Variants in NEBL observed in about 807,000 individuals in gnomAD.
NEBL encodes LIM and SH3 protein 2.
Under a neutral mutation model 140.2 loss-of-function variants are expected in NEBL, and 122 were observed. That is an observed-to-expected ratio of 0.87 (90% CI 0.75 to 1.01). NEBL has a LOEUF of 1.01. Among genes scored for constraint, NEBL ranks in the 50% least tolerant of loss-of-function variants. NEBL has a pLI of 0.00. For synonymous variants in NEBL, 436 were observed against 398.9 expected (o/e 1.09, Z -1.11); for missense variants, 1,365 against 1,231.3 (o/e 1.11, Z -1.62).
chr10:21,147,880 G>C (rs146640880), intron 2 of NEBL, among the ~76,000 whole-genome samples: 1 of 152,002 alleles, frequency 6.6e-6, no homozygotes, highest in Non-Finnish European at 1.5e-5. Flanking sequence ...TCACTCACAG[G>C]TTCCTTCATG....
intron 2 of NEBL, among the ~76,000 whole-genome samples, chr10:21,054,219 C>T (rs895099934): frequency 6.6e-6 from 1 of 152,118 alleles, no homozygotes; most frequent in Admixed American, 6.5e-5. Flanking sequence ...TTGGGGTCCA[C>T]GTACCTTTTC....
At chr10:21,253,318 G>A (rs1352635199) in intron 1 of NEBL, among the ~76,000 whole-genome samples, 1 of 152,132 alleles carries the variant, frequency 6.6e-6, no homozygotes, top group East Asian at 1.9e-4. Context: ...TGACTGTGGA[G>A]TGTTGAGAAG....
intron 4 of NEBL, among the ~76,000 whole-genome samples, chr10:20,925,585 G>A (rs373760385): frequency 4.9e-4 from 75 of 152,162 alleles, no homozygotes; most frequent in African/African-American, 1.6e-3. Flanking sequence ...ACCTTATTCT[G>A]AAAGAAAGCA....
At chr10:21,157,768 C>T (rs1840392150) in intron 2 of NEBL, among the ~76,000 whole-genome samples, 1 of 152,086 alleles carries the variant, frequency 6.6e-6, no homozygotes, top group South Asian at 2.1e-4. Flanking sequence ...ACCCCACAGA[C>T]CTCGGAATGT....
At chr10:20,887,992 G>C in intron 4 of NEBL, 105 bp downstream of exon 4, 1 of 798,730 alleles carries the variant, frequency 1.3e-6, no homozygotes, top group Non-Finnish European at 2.2e-6. Flanking sequence ...CTTTCATTTG[G>C]TATTTAACAC....
chr10:21,073,899 C>A (rs534035879), intron 2 of NEBL, among the ~76,000 whole-genome samples: 28 of 152,048 alleles, frequency 1.8e-4, no homozygotes, highest in Non-Finnish European at 3.7e-4. Flanking sequence ...ACGGTGAAAC[C>A]CCGTCTCTAC....
intron 1 of NEBL, among the ~76,000 whole-genome samples, chr10:21,268,813 C>A (rs1425474425): frequency 3.3e-5 from 5 of 152,084 alleles, no homozygotes; most frequent in African/African-American, 1.2e-4. Flanking sequence ...GCATGAGCCA[C>A]TGCACCTGGC....
chr10:20,931,365 G>C (rs1393527272), intron 4 of NEBL, among the ~76,000 whole-genome samples: 1 of 152,156 alleles, frequency 6.6e-6, no homozygotes, highest in Non-Finnish European at 1.5e-5. Context: ...TAACATAGAA[G>C]ACTGGAGTTT....
Position 20,935,521 on chromosome 10 carries a change from A to C in NEBL, c.357+26151T>G, listed in dbSNP as rs748179239. 2.4e-4 allele frequency among the ~76,000 whole-genome samples: 37 copies of C among 152,194 alleles called. 1 individual carries two copies. Among genetic ancestry groups the C allele is most frequent in the Non-Finnish European group, 5.3e-4 (36 of 68,038 alleles). On this transcript the variant is annotated intron_variant, in intron 4 of 6. Transcript: ENST00000417816. ...AAAATATTTGCATCGCCTGGAAATCACACGGACTTTGGCAGATCTCCTCCT... is the reference window on the plus strand; with the variant it reads ...AAAATATTTGCATCGCCTGGAAATCCCACGGACTTTGGCAGATCTCCTCCT...
chr10:21,177,371 A>G (rs960543337), upstream of NEBL, among the ~76,000 whole-genome samples: 2 of 152,220 alleles, frequency 1.3e-5, no homozygotes, highest in African/African-American at 4.8e-5. Flanking sequence ...GGAGTAAGAA[A>G]TAATTGTTAT....
intron 2 of NEBL, among the ~76,000 whole-genome samples, chr10:21,162,115 T>C (rs1232643281): frequency 1.3e-5 from 2 of 152,220 alleles, no homozygotes; most frequent in East Asian, 1.9e-4. Context: ...AAACTCTGGA[T>C]ACCAAAGATT....
intron 2 of NEBL, among the ~76,000 whole-genome samples, chr10:21,026,705 G>C (rs1484371266): frequency 6.6e-6 from 1 of 152,152 alleles, no homozygotes; most frequent in South Asian, 2.1e-4. Flanking sequence ...TTTCCTTATG[G>C]GCTTTATGTG....
At chr10:20,874,232 C>T (rs566736900) in intron 5 of NEBL, among the ~76,000 whole-genome samples, 44 of 152,130 alleles carry the variant, frequency 2.9e-4, no homozygotes, top group South Asian at 2.1e-4. Flanking sequence ...TTTTGTCAGC[C>T]TAGGTTTTTT....
intron 3 of NEBL, among the ~76,000 whole-genome samples, chr10:21,221,076 C>T (rs1276945788): frequency 6.6e-6 from 1 of 152,050 alleles, no homozygotes; most frequent in Non-Finnish European, 1.5e-5. Context: ...ATTGCTTGAG[C>T]CCAGGAGTTG....
intron 2 of NEBL, among the ~76,000 whole-genome samples, chr10:21,053,447 A>T (rs1023281001): frequency 6.6e-6 from 1 of 152,234 alleles, no homozygotes; most frequent in Admixed American, 6.5e-5. Context: ...TTTCTGAAGG[A>T]TGGGAATTTC....
At chr10:20,920,767 T>G (rs565058268) in intron 4 of NEBL, among the ~76,000 whole-genome samples, 28 of 152,094 alleles carry the variant, frequency 1.8e-4, no homozygotes, top group Non-Finnish European at 3.5e-4. Flanking sequence ...TAAAAATATA[T>G]AAATAACTCA....
chr10:21,227,708 TTCTTTCTTCTTCTTCTTCTTCTTCTTC>T (rs1842178867), intron 3 of NEBL, among the ~76,000 whole-genome samples: 1 of 80,904 alleles, frequency 1.2e-5, no homozygotes, highest in African/African-American at 6.5e-5. Context: ...CTTCTTCTTC[TTCTTTCTTCTTCTTCTTCTTCTTCTTC>T]TTCTTCTTCT....
intron 2 of NEBL, among the ~76,000 whole-genome samples, chr10:21,037,423 A>C (rs1317742785): frequency 7.7e-6 from 1 of 130,408 alleles, no homozygotes; most frequent in Non-Finnish European, 1.7e-5. Context: ...AGATCAATAA[A>C]GTAAGAACAA....
At chr10:20,880,754 T>G in intron 5 of NEBL, 40 bp downstream of exon 5, 3 of 1,450,786 alleles carry the variant, frequency 2.1e-6, no homozygotes, top group Non-Finnish European at 1.9e-6. Context: ...ATGACTTAAC[T>G]ACAGTTCGCT....
Sources: allele counts gnomAD v4.1 joint callset (sites outside exome capture counted in the v4.1 genomes callset), GRCh38; gene constraint gnomAD v4.1.1; transcripts MANE v1.5; gene names NCBI Gene and HGNC (gene_info 2026-07-23, HGNC 2026-07-21).